The following CEACAM21 variants were observed in gnomAD, a reference collection of about 807,000 sequenced individuals.
The protein encoded by CEACAM21 is CEA cell adhesion molecule 21, also known as cell adhesion molecule CEACAM21.
Under a neutral mutation model 33.2 loss-of-function variants are expected in CEACAM21, and 38 were observed. That is an observed-to-expected ratio of 1.14 (90% confidence interval 0.88 to 1.50). The LOEUF is 1.50. Among genes scored for constraint, CEACAM21 ranks in the 40% most tolerant of loss-of-function variants. The probability of loss-of-function intolerance (pLI) is 0.00; values close to 1 mark genes in which losing one functional copy is unlikely to be tolerated. For synonymous variants in CEACAM21, 156 were observed against 143.0 expected (o/e 1.09, Z -0.65); for missense variants, 385 against 364.6 (o/e 1.06, Z -0.46).
At chr19:41,553,399 C>T (rs1056153855) in intron 1 of CEACAM21, among the ~76,000 whole-genome samples, 7 of 152,018 alleles carry the variant, frequency 4.6e-5, no homozygotes, top group African/African-American at 7.2e-5. Context: ...CCACTGCACC[C>T]GACCCCAGTT....
At chr19:41,574,635 A>G (rs2042815644), upstream of CEACAM21, among the ~76,000 whole-genome samples, 1 of 152,234 alleles carries the variant, frequency 6.6e-6, no homozygotes, top group African/African-American at 2.4e-5. Context: ...AACTGCAATG[A>G]GCTATCACTT....
intron 3 of CEACAM21, among the ~76,000 whole-genome samples, chr19:41,581,321 G>A (rs1345853062): frequency 6.6e-6 from 1 of 152,174 alleles, no homozygotes; most frequent in Non-Finnish European, 1.5e-5. Flanking sequence ...CCCATCCCTT[G>A]GTTTCCCATA....
intron 2 of CEACAM21, among the ~76,000 whole-genome samples, chr19:41,570,708 T>G (rs988120148): frequency 1.3e-5 from 2 of 152,080 alleles, no homozygotes; most frequent in Non-Finnish European, 2.9e-5. Flanking sequence ...CCTGAGCAAA[T>G]CTAGAGCGTG....
Position 41,585,872 on chromosome 19 carries a change from G to A in CEACAM21, c.*1G>A, listed in dbSNP as rs62119455. On this transcript the variant is annotated splice_donor_variant, in intron 6 of 6. Transcript: ENST00000401445. LOFTEE classifies it low-confidence loss of function (3UTR_SPLICE). The stretch of plus-strand genomic sequence containing the variant: ...ACCCTCTGACAGCTCCATCTCCTAG[G>A]TAAGACTGTCCGTTCCCAATCCCAT... 8.4e-3 allele frequency: 13,494 copies of A among 1,612,880 alleles called. 222 individuals carry two copies. Among genetic ancestry groups the A allele is most frequent in the African/African-American group, 0.07 (5,278 of 74,958 alleles).
chr19:41,562,889 C>G (rs549687611), intron 1 of CEACAM21, among the ~76,000 whole-genome samples: 1 of 151,982 alleles, frequency 6.6e-6, no homozygotes, highest in Non-Finnish European at 1.5e-5. Context: ...CCACCACGCC[C>G]GGCTAATTTT....
chr19:41,577,307 C>T lies in CEACAM21; in HGVS notation c.172C>T (p.Leu58=). 6.2e-7 allele frequency: 1 copy of T among 1,614,132 alleles called. No homozygotes were observed. The highest frequency in any genetic ancestry group is 8.5e-7 in the Non-Finnish European group (1 of 1,179,984). The change falls in exon 2 of 7, where the codon CTG becomes TTG. Residue 58 remains leucine (L), a synonymous_variant. Coordinates refer to ENST00000401445, the MANE Select transcript of CEACAM21 (RefSeq NM_001098506.4). ...GENVHLSVVY[L]PENLYSYGWY... Reference sequence around the variant, plus strand: ...GAATGTTCATCTCTCTGTGGTTTATCTGCCCGAGAATCTTTACAGCTATGG... The same window carrying T: ...GAATGTTCATCTCTCTGTGGTTTATTTGCCCGAGAATCTTTACAGCTATGG...
chr19:41,567,895 TAAAA>T (rs35461515), intron 2 of CEACAM21, among the ~76,000 whole-genome samples: 1 of 139,878 alleles, frequency 7.1e-6, no homozygotes. Flanking sequence ...GAAGATGCAG[TAAAA>T]AAAAAAAAAA....
intron 1 of CEACAM21, chr19:41,551,993 G>A (rs1815080801): frequency 6.6e-6 from 1 of 152,188 alleles, no homozygotes; most frequent in South Asian, 2.1e-4. Context: ...AACTGGGGAG[G>A]AAGAGAGTTT....
Position 41,579,618 on chromosome 19 carries a change from G to A in CEACAM21, c.690G>A (p.Leu230=), listed in dbSNP as rs1463917993. 7.1e-6 allele frequency: 11 copies of A among 1,555,994 alleles called. No homozygotes were observed. Among genetic ancestry groups the A allele is most frequent in the Non-Finnish European group, 9.6e-6 (11 of 1,148,584 alleles). Residue 230 remains leucine, a synonymous_variant, in exon 3 of 7, where the codon CTG becomes CTA. Transcript: ENST00000401445. ...CCAACAGGAGCGACCCCCTCAAGCTGACTGTAAAATGTGAGTGACCCTCGG... is the reference window on the plus strand; with the variant it reads ...CCAACAGGAGCGACCCCCTCAAGCTAACTGTAAAATGTGAGTGACCCTCGG... ...VSSNRSDPLK[L]TVKSDDNTLG...
In CEACAM21 at chr19:41,577,382, G is replaced by A; in HGVS notation, c.247G>A (p.Val83Ile). Residue 83 changes from valine (V) to isoleucine (I), a missense_variant, in exon 2 of 7, where the codon GTA becomes ATA. Physicochemically the swap from Val to Ile is conservative, Grantham distance 29 (BLOSUM62 3). Coordinates refer to ENST00000401445, the MANE Select transcript of CEACAM21 (RefSeq NM_001098506.4). ...VEPNQLIAAY[V>I]IDTHVRTPGP... ...GCCCAACCAGCTAATCGCAGCATATGTAATAGACACTCACGTTAGGACTCC... is the reference window on the plus strand; with the variant it reads ...GCCCAACCAGCTAATCGCAGCATATATAATAGACACTCACGTTAGGACTCC... 1.2e-6 allele frequency: 2 copies of A among 1,612,670 alleles called. No homozygotes were observed. The highest frequency in any genetic ancestry group is 1.3e-5 in the African/African-American group (1 of 74,756).
intron 1 of CEACAM21, among the ~76,000 whole-genome samples, chr19:41,561,420 A>G (rs991405878): frequency 7.9e-5 from 12 of 151,752 alleles, no homozygotes; most frequent in Admixed American, 2.0e-4. Context: ...CTAACAGACC[A>G]TAAAGATATA....
intron 2 of CEACAM21, among the ~76,000 whole-genome samples, chr19:41,578,107 C>A: frequency 6.6e-6 from 1 of 152,186 alleles, no homozygotes; most frequent in East Asian, 1.9e-4. Context: ...AGAGCCCCAT[C>A]TGGGCAAGGG....
At chr19:41,568,139 T>C (rs1555788689) in intron 2 of CEACAM21, among the ~76,000 whole-genome samples, 1 of 152,076 alleles carries the variant, frequency 6.6e-6, no homozygotes, top group African/African-American at 2.4e-5. Flanking sequence ...AATTTTCTTA[T>C]ATATTTTGGA....
intron 3 of CEACAM21, among the ~76,000 whole-genome samples, chr19:41,580,149 G>A (rs2043265104): frequency 6.6e-6 from 1 of 152,104 alleles, no homozygotes; most frequent in Admixed American, 6.5e-5. Flanking sequence ...CTGAATTGAA[G>A]TACTTCAATC....
intron 1 of CEACAM21, among the ~76,000 whole-genome samples, chr19:41,557,124 G>C (rs576083351): frequency 1.3e-5 from 2 of 152,196 alleles, no homozygotes; most frequent in South Asian, 4.2e-4. Flanking sequence ...TTAAGAAGTA[G>C]GTATTTTTGT....
chr19:41,578,074 T>C (rs1555792023), intron 2 of CEACAM21, among the ~76,000 whole-genome samples: 1 of 152,094 alleles, frequency 6.6e-6, no homozygotes, highest in Non-Finnish European at 1.5e-5. Context: ...CTAGAGCTGG[T>C]CACCAGGCAG....
At chr19:41,564,302 G>T (rs1349376011) in intron 1 of CEACAM21, among the ~76,000 whole-genome samples, 1 of 151,904 alleles carries the variant, frequency 6.6e-6, no homozygotes, top group African/African-American at 2.4e-5. Context: ...AATTCCTGCC[G>T]CAAATAAAGA....
intron 2 of CEACAM21, among the ~76,000 whole-genome samples, chr19:41,566,733 T>C (rs937116760): frequency 2.0e-5 from 3 of 152,324 alleles, no homozygotes; most frequent in Non-Finnish European, 2.9e-5. Context: ...GAGGAGGAGC[T>C]TGAAAATTTG....
intron 1 of CEACAM21, among the ~76,000 whole-genome samples, chr19:41,561,072 T>A (rs1348411711): frequency 6.6e-6 from 1 of 152,244 alleles, no homozygotes; most frequent in Admixed American, 6.5e-5. Context: ...GAATCTGATA[T>A]ATTGTTAGAA....
Sources: gnomAD v4.1 joint callset for allele counts (sites outside exome capture counted in the v4.1 genomes callset) on GRCh38, gnomAD v4.1.1 for gene constraint, MANE v1.5 for transcripts, NCBI Gene and HGNC (gene_info 2026-07-23, HGNC 2026-07-21) for gene names.